The following GABRA6 variants were observed in gnomAD, a reference collection of about 807,000 sequenced individuals.
The protein encoded by GABRA6 is gamma-aminobutyric acid receptor subunit alpha-6.
Under a neutral mutation model 47.3 loss-of-function variants are expected in GABRA6, and 45 were observed. The ratio of observed to expected loss-of-function variants is 0.95; its 90% CI spans 0.75 to 1.22. GABRA6 has a LOEUF of 1.22. Among genes scored for constraint, GABRA6 ranks in the 50% most tolerant of loss-of-function variants. The pLI is 0.00. For missense variants in GABRA6, 583 were observed against 549.3 expected (o/e 1.06, Z -0.61); for synonymous variants, 219 against 194.7 (o/e 1.12, Z -1.04).
rs74342305 is a variant in GABRA6 at position 161,695,559 on chromosome 5, T to C, written c.1086+3359T>C. 2.1e-3 allele frequency among the ~76,000 whole-genome samples: 317 copies of C among 152,186 alleles called. 5 individuals carry two copies. In the East Asian group the frequency reaches 0.045, roughly 22 times the overall value. On this transcript the variant is annotated intron_variant, in intron 8 of 8. Coordinates refer to ENST00000274545, the MANE Select transcript of GABRA6 (RefSeq NM_000811.3). ...GTGTAAGACCAACTTTGGTCCTTGA[T>C]TTGTTTTTGCATAGTTTGCTAGTTT...
chr5:161,701,315 G>C (rs1369263603), intron 8 of GABRA6, among the ~76,000 whole-genome samples, 183 bp from the exon 9 acceptor site: 1 of 152,180 alleles, frequency 6.6e-6, no homozygotes, highest in East Asian at 1.9e-4. Flanking sequence ...ATTTTACAAT[G>C]TATTTTAAGC....
At chr5:161,697,020 T>G (rs1192436169) in intron 8 of GABRA6, among the ~76,000 whole-genome samples, 1 of 152,168 alleles carries the variant, frequency 6.6e-6, no homozygotes, top group African/African-American at 2.4e-5. Flanking sequence ...TCTAAATACT[T>G]CCTAAACATC....
intron 1 of GABRA6, 22 bp downstream of exon 1, chr5:161,686,049 G>A: frequency 1.2e-6 from 2 of 1,611,372 alleles, no homozygotes; most frequent in Non-Finnish European, 1.7e-6. Context: ...CCTTTTTCCT[G>A]ATTTTTCTTT....
Position 161,694,169 on chromosome 5 carries a change from C to G in GABRA6, c.1086+1969C>G, listed in dbSNP as rs940916431. On this transcript the variant is annotated intron_variant, in intron 8 of 8. Transcript: ENST00000274545. ...TTAGTAGAAATAAGTGATTCTGTTA[C>G]AAGGTATCCGTATGCATATAAGTAT... 3.3e-5 allele frequency among the ~76,000 whole-genome samples: 5 copies of G among 151,796 alleles called. No homozygotes were observed. The South Asian group carries it at 1.0e-3, about 31-fold the overall frequency.
At chr5:161,686,136 G>T in intron 1 of GABRA6, 94 bp from the exon 2 acceptor site, 1 of 1,368,576 alleles carries the variant, frequency 7.3e-7, no homozygotes. Context: ...CAGAAGTGGT[G>T]TTGCATGTAT....
intron 8 of GABRA6, among the ~76,000 whole-genome samples, chr5:161,693,806 A>T (rs1435261177): frequency 6.6e-6 from 1 of 152,140 alleles, no homozygotes; most frequent in African/African-American, 2.4e-5. Context: ...TGACACATTT[A>T]GATACTGTTT....
At chr5:161,692,853 T>C (rs578044950) in intron 8 of GABRA6, among the ~76,000 whole-genome samples, 1 of 152,312 alleles carries the variant, frequency 6.6e-6, no homozygotes, top group East Asian at 1.9e-4. Flanking sequence ...CCCAGAGGTT[T>C]TTGAATAAGA....
At chr5:161,686,373 C>A (rs374513435) in intron 2 of GABRA6, 25 bp downstream of exon 2, 3 of 1,522,204 alleles carry the variant, frequency 2.0e-6, no homozygotes, top group Non-Finnish European at 2.7e-6. Flanking sequence ...CTTTGCTACA[C>A]AAACACCTGT....
At chr5:161,695,152 C>G (rs1002540206) in intron 8 of GABRA6, among the ~76,000 whole-genome samples, 18 of 152,212 alleles carry the variant, frequency 1.2e-4, no homozygotes, top group African/African-American at 4.3e-4. Context: ...TTGCTTTTCA[C>G]AAGAAACTAC....
At chr5:161,696,753 C>T (rs1386170002) in intron 8 of GABRA6, among the ~76,000 whole-genome samples, 1 of 152,160 alleles carries the variant, frequency 6.6e-6, no homozygotes, top group Non-Finnish European at 1.5e-5. Context: ...CCAGCTGAAA[C>T]ACAAACACAG....
chr5:161,699,489 A>G, intron 8 of GABRA6, among the ~76,000 whole-genome samples: 1 of 151,110 alleles, frequency 6.6e-6, no homozygotes, highest in Admixed American at 6.6e-5. Context: ...GCATGCACTG[A>G]GACAGTTACT....
chr5:161,697,998 A>C (rs1288907044), intron 8 of GABRA6, among the ~76,000 whole-genome samples: 1 of 152,220 alleles, frequency 6.6e-6, no homozygotes. Context: ...CGGTACTTAT[A>C]ATGTAATATA....
At chr5:161,690,488 G>T in intron 7 of GABRA6, 135 bp downstream of exon 7, 1 of 926,598 alleles carries the variant, frequency 1.1e-6, no homozygotes, top group South Asian at 1.4e-5. Flanking sequence ...CCAGACATAT[G>T]TATCATGCAA....
In GABRA6 at chr5:161,690,281, A is replaced by G. The variant is rs1441470359; in HGVS notation, c.754A>G (p.Ile252Val). 4 of 1,613,806 alleles carry G rather than the reference A, an allele frequency of 2.5e-6. No individual in the cohort carries two copies. The highest frequency in any genetic ancestry group is 4.5e-5 in the East Asian group (2 of 44,824). Reference sequence around the variant, plus strand: ...CATGATACAGATATACACTCCTTGCATTATGACAGTCATTCTTTCCCAGGT... The same window carrying G: ...CATGATACAGATATACACTCCTTGCGTTATGACAGTCATTCTTTCCCAGGT... ...YFMIQIYTPC[I>V]MTVILSQVSF... Residue 252 changes from isoleucine (I) to valine (V), a missense_variant, in exon 7 of 9, where the codon ATT becomes GTT. Transcript: ENST00000274545.
At chr5:161,686,886 C>T (rs761965624) in intron 2 of GABRA6, 50 bp from the exon 3 acceptor site, 1 of 1,492,274 alleles carries the variant, frequency 6.7e-7, no homozygotes, top group Admixed American at 1.7e-5. Context: ...GAGATCAATC[C>T]CCTTAACATC....
At chr5:161,695,291 A>T (rs1754867826) in intron 8 of GABRA6, among the ~76,000 whole-genome samples, 1 of 152,160 alleles carries the variant, frequency 6.6e-6, no homozygotes, top group Admixed American at 6.5e-5. Context: ...CTTAAAGCTA[A>T]ATCTTCAGAA....
intron 3 of GABRA6, chr5:161,687,685 T>C (rs984527320): frequency 2.2e-5 from 6 of 267,848 alleles, no homozygotes; most frequent in Non-Finnish European, 4.6e-5. Flanking sequence ...GAAGTAAACA[T>C]AACTGTCTTT....
chr5:161,692,435 T>C (rs1754810546), intron 8 of GABRA6, among the ~76,000 whole-genome samples: 1 of 152,226 alleles, frequency 6.6e-6, no homozygotes, highest in Non-Finnish European at 1.5e-5. Context: ...TCACTTATAC[T>C]GGCAGATTCC....
At chr5:161,695,474 A>G (rs1754870585) in intron 8 of GABRA6, among the ~76,000 whole-genome samples, 1 of 152,006 alleles carries the variant, frequency 6.6e-6, no homozygotes, top group South Asian at 2.1e-4. Context: ...AGAGTTACTT[A>G]TATCTTCATG....
Sources: allele counts gnomAD v4.1 joint callset (sites outside exome capture counted in the v4.1 genomes callset), GRCh38; gene constraint gnomAD v4.1.1; transcripts MANE v1.5; gene names NCBI Gene and HGNC (gene_info 2026-07-23, HGNC 2026-07-21).